Variants in FAM240A observed in about 807,000 individuals in gnomAD.
The protein encoded by FAM240A is family with sequence similarity 240 member A, also known as protein FAM240A.
Under a neutral mutation model 7.3 loss-of-function variants are expected in FAM240A, and 8 were observed. The ratio of observed to expected loss-of-function variants is 1.09; its 90% CI spans 0.64 to 1.97. The LOEUF is 1.97. Among genes scored for constraint, FAM240A ranks in the 30% most tolerant of loss-of-function variants. The pLI is 0.00. For synonymous variants in FAM240A, 32 were observed against 35.9 expected (o/e 0.89, Z 0.38); for missense variants, 90 against 102.2 (o/e 0.88, Z 0.52).
At chr3:46,617,843 G>T (rs1697648305) in intron 2 of FAM240A, among the ~76,000 whole-genome samples, 1 of 152,202 alleles carries the variant, frequency 6.6e-6, no homozygotes, top group Non-Finnish European at 1.5e-5. Context: ...TGGAGGGGAA[G>T]GCGGGGTCTC....
At chr3:46,617,871 G>A (rs981736964) in intron 2 of FAM240A, among the ~76,000 whole-genome samples, 7 of 152,232 alleles carry the variant, frequency 4.6e-5, no homozygotes, top group Non-Finnish European at 8.8e-5. Context: ...GTGCATCCCT[G>A]TTCTGGCCCA....
intron 2 of FAM240A, among the ~76,000 whole-genome samples, chr3:46,618,906 CACACACACACACAT>C (rs1697664454): frequency 2.0e-5 from 3 of 150,818 alleles, no homozygotes; most frequent in African/African-American, 7.3e-5. Flanking sequence ...CACACACACA[CACACACACACACAT>C]ATGCAGTATC....
chr3:46,621,666 G>A (rs1175008580), intron 2 of FAM240A, among the ~76,000 whole-genome samples: 1 of 152,000 alleles, frequency 6.6e-6, no homozygotes, highest in Non-Finnish European at 1.5e-5. Context: ...GGGAAAGGGG[G>A]AGTGGGGCTG....
chr3:46,624,135 A>G (rs1697728023), intron 2 of FAM240A, among the ~76,000 whole-genome samples: 1 of 152,044 alleles, frequency 6.6e-6, no homozygotes, highest in South Asian at 2.1e-4. Flanking sequence ...TAGCATAAGA[A>G]CCTTAAAATG....
At chr3:46,614,030 T>A (rs1697600088) in intron 1 of FAM240A, among the ~76,000 whole-genome samples, 1 of 152,168 alleles carries the variant, frequency 6.6e-6, no homozygotes, top group Non-Finnish European at 1.5e-5. Context: ...GCAATCTTTC[T>A]ACCTCAGCCT....
chr3:46,618,564 G>A (rs1697655781), intron 2 of FAM240A, among the ~76,000 whole-genome samples: 1 of 152,102 alleles, frequency 6.6e-6, no homozygotes, highest in African/African-American at 2.4e-5. Flanking sequence ...CATGCGGCCG[G>A]GTGCGGTGAC....
chr3:46,616,792 A>G lies in FAM240A; in HGVS notation c.16-391A>G, dbSNP rs549320975. On this transcript the variant is annotated intron_variant, in intron 1 of 2. Transcript: ENST00000640551. ...ACTTAGTTTGACTCCATATCTTTGC[A>G]ATTGTGAATTGTGCTGTGATAAACA... is the stretch of plus-strand genomic sequence containing the variant. 3.3e-5 allele frequency among the ~76,000 whole-genome samples: 5 copies of G among 151,862 alleles called. No individual in the cohort carries two copies. The South Asian group carries it at 8.3e-4, about 25-fold the overall frequency.
In FAM240A at chr3:46,625,227, T is replaced by G. The variant is rs978963271; in HGVS notation, c.*9T>G. The stretch of plus-strand genomic sequence containing the variant: ...GGACAAATGTTGGCTGAGAGCTTCC[T>G]GCTTCATTGACACAAGAAGATGCAA... On this transcript the variant is annotated 3_prime_UTR_variant, in exon 3 of 3. Transcript: ENST00000640551. The G allele has an allele frequency of 1.2e-4, 190 of 1,525,828 alleles. No homozygotes were observed. Among genetic ancestry groups the G allele is most frequent in the Non-Finnish European group, 1.6e-4 (186 of 1,139,818 alleles). 94.5% of individuals were successfully genotyped at this position (1,525,828 alleles called of 1,614,324 possible).
rs1697579195 is a variant in FAM240A, at chr3:46,612,648, T to A, written c.-36T>A. The A allele has an allele frequency of 6.5e-7, 1 of 1,530,090 alleles. No homozygotes were observed. The highest frequency in any genetic ancestry group is 1.7e-4 in the Middle Eastern group (1 of 5,986). 94.8% of individuals were successfully genotyped at this position (1,530,090 alleles called of 1,614,324 possible). A position where few individuals can be genotyped will look rare whatever the true frequency, so the allele number is the denominator to read the frequency against. ...CTCACAGGCGGTCAAGTGCGACACATTTGGTTCGACTGAATCGATGTCTTC... is the reference window on the plus strand; with the variant it reads ...CTCACAGGCGGTCAAGTGCGACACAATTGGTTCGACTGAATCGATGTCTTC... On this transcript the variant is annotated 5_prime_UTR_variant, in exon 1 of 3. Coordinates refer to ENST00000640551, the MANE Select transcript of FAM240A (RefSeq NM_001195442.2).
intron 2 of FAM240A, among the ~76,000 whole-genome samples, chr3:46,623,215 G>T (rs913698460): frequency 6.6e-5 from 10 of 152,010 alleles, no homozygotes; most frequent in African/African-American, 2.4e-4. Flanking sequence ...ATGTTTAGGG[G>T]ACTTTCCAGA....
chr3:46,625,190 A>G lies in FAM240A; in HGVS notation c.224A>G (p.Asp75Gly). 4 of 1,533,590 alleles carry G rather than the reference A, an allele frequency of 2.6e-6. No homozygotes were observed. The highest frequency in any genetic ancestry group is 3.5e-6 in the Non-Finnish European group (4 of 1,145,436). 95.0% of individuals were successfully genotyped at this position (1,533,590 alleles called of 1,614,324 possible). A position where few individuals can be genotyped will look rare whatever the true frequency, so the allele number is the denominator to read the frequency against. Reference sequence around the variant, plus strand: ...CTGAGGCTGCGGAACAATCCAGAGGACACTGAAAAGAGGACAAATGTTGGC... The same window carrying G: ...CTGAGGCTGCGGAACAATCCAGAGGGCACTGAAAAGAGGACAAATGTTGGC... The part of the protein sequence containing the change: ...TKLRLRNNPE[D>G]TEKRTNVG Residue 75 changes from aspartate (D) to glycine (G), a missense_variant, in exon 3 of 3, where the codon GAC becomes GGC. Asp to Gly is a moderately conservative substitution (Grantham distance 94). Transcript: ENST00000640551.
chr3:46,618,867 GTATATATAT>G (rs1697661038), intron 2 of FAM240A, among the ~76,000 whole-genome samples: 1 of 138,568 alleles, frequency 7.2e-6, no homozygotes, highest in Non-Finnish European at 1.6e-5. Flanking sequence ...ATATATATAT[GTATATATAT>G]ATATATACAC....
At chr3:46,613,382 T>C (rs1034490642) in intron 1 of FAM240A, among the ~76,000 whole-genome samples, 1 of 151,896 alleles carries the variant, frequency 6.6e-6, no homozygotes, top group Non-Finnish European at 1.5e-5. Context: ...TAATCCCAGA[T>C]ACTGGGGAGG....
At chr3:46,616,698 C>CAT (rs916162010) in intron 1 of FAM240A, among the ~76,000 whole-genome samples, 2 of 134,446 alleles carry the variant, frequency 1.5e-5, no homozygotes, top group Non-Finnish European at 3.4e-5. Flanking sequence ...ATTACACACA[C>CAT]ACACACACAC....
intron 2 of FAM240A, among the ~76,000 whole-genome samples, chr3:46,621,107 GA>G (rs935518153): frequency 3.3e-5 from 5 of 151,546 alleles, no homozygotes; most frequent in South Asian, 2.1e-4. Flanking sequence ...ACGTTATCTT[GA>G]AAAAAAAGAG....
intron 2 of FAM240A, among the ~76,000 whole-genome samples, chr3:46,624,397 G>T (rs142528390): frequency 1.3e-5 from 2 of 149,804 alleles, no homozygotes; most frequent in Admixed American, 1.3e-4. Flanking sequence ...TCAGCCTTCC[G>T]AGTAGCTGGA....
chr3:46,618,048 C>T (rs1474197), intron 2 of FAM240A, among the ~76,000 whole-genome samples: 12,053 of 152,250 alleles, frequency 0.079, 660 homozygotes, highest in East Asian at 0.23. Flanking sequence ...AAAGGAACAG[C>T]TCAGCCAGCT....
intron 2 of FAM240A, among the ~76,000 whole-genome samples, chr3:46,618,882 T>TACACACACAC (rs748467427): frequency 1.3e-5 from 1 of 77,184 alleles, no homozygotes; most frequent in African/African-American, 3.7e-5. Context: ...TATATATATA[T>TACACACACAC]ACACACACAC....
intron 1 of FAM240A, among the ~76,000 whole-genome samples, chr3:46,616,646 A>G (rs961109739): frequency 6.6e-6 from 1 of 151,786 alleles, no homozygotes; most frequent in Non-Finnish European, 1.5e-5. Context: ...GAGTTGCTGC[A>G]AAAGACATTA....
Sources: gnomAD v4.1 joint callset for allele counts (sites outside exome capture counted in the v4.1 genomes callset) on GRCh38, gnomAD v4.1.1 for gene constraint, MANE v1.5 for transcripts, NCBI Gene and HGNC (gene_info 2026-07-23, HGNC 2026-07-21) for gene names.